Variants in COL5A2 observed in about 807,000 individuals in gnomAD.
COL5A2 encodes the protein collagen type V alpha 2 chain.
Under a neutral mutation model 208.2 loss-of-function variants are expected in COL5A2, and 23 were observed. That is an observed-to-expected ratio of 0.11 (90% CI 0.08 to 0.16). COL5A2 has a LOEUF of 0.16. COL5A2 is among the 10% of genes least tolerant of loss of function. The probability of loss-of-function intolerance (pLI) is 1.00; values close to 1 mark genes in which losing one functional copy is unlikely to be tolerated. For synonymous variants in COL5A2, 625 were observed against 628.5 expected (o/e 0.99, Z 0.08); for missense variants, 1,590 against 1,956.4 (o/e 0.81, Z 3.53).
At chr2:189,143,850 A>T (rs1687985405) in intron 1 of COL5A2, among the ~76,000 whole-genome samples, 1 of 152,162 alleles carries the variant, frequency 6.6e-6, no homozygotes, top group Non-Finnish European at 1.5e-5. Context: ...AAATGAAGAC[A>T]TTATAATAAC....
At chr2:189,374,192 A>G in the COL5A2 span, among the ~76,000 whole-genome samples, 3 of 152,320 alleles carry the variant, frequency 2.0e-5, no homozygotes, top group Admixed American at 6.5e-5. Context: ...TAAATGACAC[A>G]TAGTGCATGA....
At chr2:189,388,618 A>C in the COL5A2 span, among the ~76,000 whole-genome samples, 1 of 152,212 alleles carries the variant, frequency 6.6e-6, no homozygotes, top group Non-Finnish European at 1.5e-5. Flanking sequence ...TTTGATTTTA[A>C]AAGGTCATCA....
the COL5A2 span, among the ~76,000 whole-genome samples, chr2:189,424,918 G>A: frequency 6.6e-6 from 1 of 152,142 alleles, no homozygotes; most frequent in Non-Finnish European, 1.5e-5. Flanking sequence ...ATATTACAAA[G>A]CTCTAGTAAC....
At chr2:189,425,394 T>G in the COL5A2 span, among the ~76,000 whole-genome samples, 1 of 152,320 alleles carries the variant, frequency 6.6e-6, no homozygotes, top group Non-Finnish European at 1.5e-5. Flanking sequence ...AAGAGCTATC[T>G]GCACTCTCGT....
the COL5A2 span, among the ~76,000 whole-genome samples, chr2:189,265,039 G>T: frequency 6.6e-6 from 1 of 152,128 alleles, no homozygotes; most frequent in Non-Finnish European, 1.5e-5. Context: ...AGAAAAGTTG[G>T]AAGGGGCCAA....
chr2:189,257,474 T>C, the COL5A2 span, among the ~76,000 whole-genome samples: 1 of 152,226 alleles, frequency 6.6e-6, no homozygotes, highest in Non-Finnish European at 1.5e-5. Flanking sequence ...TGAGCTTCAA[T>C]ATAGTCAAAT....
the COL5A2 span, among the ~76,000 whole-genome samples, chr2:189,322,981 G>A: frequency 8.6e-6 from 1 of 115,940 alleles, no homozygotes; most frequent in Admixed American, 9.5e-5. Flanking sequence ...CCATGATCAG[G>A]TGGGCTTCAT....
At chr2:189,394,527 A>C in the COL5A2 span, among the ~76,000 whole-genome samples, 1 of 152,192 alleles carries the variant, frequency 6.6e-6, no homozygotes, top group Middle Eastern at 3.2e-3. Flanking sequence ...TCTGTCTGCA[A>C]ACCAAGAATA....
intron 8 of COL5A2, among the ~76,000 whole-genome samples, chr2:189,088,194 T>C (rs1686706189): frequency 1.3e-5 from 2 of 152,184 alleles, no homozygotes; most frequent in Non-Finnish European, 2.9e-5. Flanking sequence ...TTTCTGATGT[T>C]GAAGAAATTC....
the COL5A2 span, among the ~76,000 whole-genome samples, chr2:189,242,076 A>G: frequency 1.3e-5 from 2 of 152,180 alleles, no homozygotes; most frequent in African/African-American, 4.8e-5. Context: ...ATTGACTTAT[A>G]AAGACATTTA....
At chr2:189,251,330 T>A in the COL5A2 span, among the ~76,000 whole-genome samples, 1 of 152,234 alleles carries the variant, frequency 6.6e-6, no homozygotes, top group East Asian at 1.9e-4. Context: ...ACTCAAAATG[T>A]ACACTAGAAT....
the COL5A2 span, among the ~76,000 whole-genome samples, chr2:189,300,911 G>A: frequency 3.3e-5 from 5 of 152,204 alleles, no homozygotes; most frequent in Non-Finnish European, 7.3e-5. Flanking sequence ...ATCTGGCTGG[G>A]CATGGTGGAT....
intron 19 of COL5A2, 119 bp downstream of exon 19, chr2:189,068,667 G>A: frequency 1.3e-6 from 1 of 745,072 alleles, no homozygotes; most frequent in Non-Finnish European, 2.4e-6. Flanking sequence ...AACATTACAG[G>A]TACCCCCTAA....
At chr2:189,294,837 C>T in the COL5A2 span, among the ~76,000 whole-genome samples, 8 of 152,222 alleles carry the variant, frequency 5.3e-5, no homozygotes, top group Non-Finnish European at 1.0e-4. Flanking sequence ...CTTGCTCTGT[C>T]TCAGAGGCTG....
chr2:189,183,450 T>C (rs1018348919), upstream of COL5A2, among the ~76,000 whole-genome samples: 4 of 152,228 alleles, frequency 2.6e-5, no homozygotes, highest in African/African-American at 7.2e-5. Context: ...TCTGTTTACA[T>C]GTTAATTACT....
chr2:189,137,279 C>T (rs147587915), intron 1 of COL5A2, among the ~76,000 whole-genome samples: 7 of 152,176 alleles, frequency 4.6e-5, no homozygotes, highest in Non-Finnish European at 8.8e-5. Context: ...CCTACTCTTA[C>T]ATGAGAGATG....
chr2:189,079,212 GA>G, intron 14 of COL5A2, 105 bp from the exon 15 acceptor site: 1 of 892,260 alleles, frequency 1.1e-6, no homozygotes, highest in Non-Finnish European at 1.8e-6. Flanking sequence ...GAGGACATAT[GA>G]AAGATGTACT....
the COL5A2 span, among the ~76,000 whole-genome samples, chr2:189,428,111 T>A: frequency 6.6e-6 from 1 of 152,160 alleles, no homozygotes; most frequent in Non-Finnish European, 1.5e-5. Flanking sequence ...AAGGCATGAT[T>A]GTATTTTGAA....
chr2:189,416,977 T>C, the COL5A2 span, among the ~76,000 whole-genome samples: 3 of 152,194 alleles, frequency 2.0e-5, no homozygotes, highest in Admixed American at 6.5e-5. Flanking sequence ...ATCTTTCATA[T>C]GTTCACTTAT....
Sources: gnomAD v4.1 joint callset for allele counts (sites outside exome capture counted in the v4.1 genomes callset) on GRCh38, gnomAD v4.1.1 for gene constraint, MANE v1.5 for transcripts, NCBI Gene and HGNC (gene_info 2026-07-23, HGNC 2026-07-21) for gene names.